The following C4orf50 variants were observed in gnomAD, a reference collection of about 807,000 sequenced individuals.
The protein encoded by C4orf50 is uncharacterized protein C4orf50.
Under a neutral mutation model 77.2 loss-of-function variants are expected in C4orf50, and 80 were observed. The observed-to-expected ratio is 1.04, with a 90% CI of 0.87 to 1.25. C4orf50 has a LOEUF of 1.25. Ranked by LOEUF, C4orf50 falls within the 50% of genes most tolerant of loss-of-function variation. The pLI, the probability that C4orf50 is intolerant of heterozygous loss-of-function variation, is 0.00. For missense variants in C4orf50, 1,257 were observed against 1,152.9 expected (o/e 1.09, Z -1.31); for synonymous variants, 532 against 465.3 (o/e 1.14, Z -1.84).
At chr4:5,974,311 C>T (rs13435604) in intron 30 of C4orf50, among the ~76,000 whole-genome samples, 7 of 152,004 alleles carry the variant, frequency 4.6e-5, no homozygotes, top group African/African-American at 1.7e-4. Context: ...AAGAAATGCT[C>T]CACAGCAAAT....
intron 32 of C4orf50, among the ~76,000 whole-genome samples, chr4:5,965,365 GA>G (rs1239209353): frequency 6.6e-6 from 1 of 152,190 alleles, no homozygotes; most frequent in African/African-American, 2.4e-5. Context: ...GGGCATCCCA[GA>G]AAACTGCCTG....
At chr4:6,012,666 A>T (rs1722535847) in intron 23 of C4orf50, among the ~76,000 whole-genome samples, 1 of 152,188 alleles carries the variant, frequency 6.6e-6, no homozygotes, top group African/African-American at 2.4e-5. Context: ...GCTATGTCAC[A>T]AGCAGGCATA....
chr4:5,976,569 G>A (rs559219995), intron 29 of C4orf50, among the ~76,000 whole-genome samples: 2 of 151,700 alleles, frequency 1.3e-5, no homozygotes, highest in South Asian at 2.1e-4. Context: ...TTCTGGTCTT[G>A]TGGTAAACAT....
intron 7 of C4orf50, among the ~76,000 whole-genome samples, chr4:5,933,744 C>T (rs542540896): frequency 4.6e-5 from 7 of 152,268 alleles, no homozygotes; most frequent in African/African-American, 1.7e-4. Flanking sequence ...AAGGTCCCCT[C>T]TGGCCCAGAC....
chr4:5,989,368 C>T, exon 28 of C4orf50: 1 of 1,536,056 alleles, frequency 6.5e-7, no homozygotes, highest in South Asian at 1.2e-5. Context: ...CCCTGGGTTA[C>T]CAGGAACTTC....
downstream of C4orf50, among the ~76,000 whole-genome samples, chr4:5,953,015 G>C (rs1206289678): frequency 6.6e-6 from 1 of 152,144 alleles, no homozygotes; most frequent in African/African-American, 2.4e-5. Context: ...CACTATTTTC[G>C]GGTGGCTGCT....
chr4:5,929,602 T>C (rs1199978744), intron 7 of C4orf50, among the ~76,000 whole-genome samples: 1 of 152,262 alleles, frequency 6.6e-6, no homozygotes, highest in Non-Finnish European at 1.5e-5. Flanking sequence ...TTACTTCTTA[T>C]AAGCAGAAAG....
In C4orf50 at chr4:5,988,519, G is replaced by T. The variant is rs547727387; in HGVS notation, c.3527C>A (p.Ala1176Asp). Residue 1176 changes from alanine (A) to aspartate (D), a missense_variant, in exon 28 of 34, where the codon GCT (alanine) becomes GAT (aspartate). Physicochemically the swap from Ala to Asp is moderately radical, Grantham distance 126 (BLOSUM62 -2). Transcript: ENST00000531445. ...GACCAGCGATGGAGGGGGAGAATCA[G>T]CACCGCGTCTGGAATTCCCGGTGCC... The T allele has an allele frequency of 5.2e-4, 800 of 1,538,480 alleles. 2 individuals are homozygous for T. Among genetic ancestry groups the T allele is most frequent in the Middle Eastern group, 6.7e-4 (4 of 5,990 alleles).
At chr4:5,996,319 G>A (rs1042485958) in intron 25 of C4orf50, among the ~76,000 whole-genome samples, 11 of 152,008 alleles carry the variant, frequency 7.2e-5, no homozygotes, top group African/African-American at 1.4e-4. Context: ...TCCCTTCCAC[G>A]CACTGCTCAG....
At position 6,015,584 on chromosome 4, in the gene C4orf50, G is replaced by C. The variant is rs1560606542; in HGVS notation, c.287+2561C>G. 6.6e-6 allele frequency among the ~76,000 whole-genome samples: 1 copy of C among 152,078 alleles called. No individual in the cohort carries two copies. The highest frequency in any genetic ancestry group is 6.5e-5 in the Admixed American group (1 of 15,284). ...GTTTGCCCATTCTCCCCATGTCTGT[G>C]TGGGCTTTCTCGGGGTACCCTGGTC... On this transcript the variant is annotated intron_variant, in intron 23 of 33. Coordinates refer to ENST00000531445, the Ensembl canonical transcript of C4orf50. This position sits in a 1 kb window ranked among gnomAD's most constrained non-coding sequence, Gnocchi z 4.4.
chr4:5,920,374 C>G (rs1224749922), intron 7 of C4orf50, among the ~76,000 whole-genome samples: 4 of 152,038 alleles, frequency 2.6e-5, no homozygotes, highest in Non-Finnish European at 4.4e-5. Flanking sequence ...GAGGTGTGCG[C>G]CTGGTGCCTA....
chr4:5,997,275 G>C (rs188384059), intron 25 of C4orf50, among the ~76,000 whole-genome samples: 1 of 152,182 alleles, frequency 6.6e-6, no homozygotes, highest in African/African-American at 2.4e-5. Flanking sequence ...AAAAATGCTC[G>C]CTGAGCATCT....
chr4:5,945,796 C>T (rs945903669), intron 7 of C4orf50, among the ~76,000 whole-genome samples: 5 of 152,124 alleles, frequency 3.3e-5, no homozygotes, highest in East Asian at 3.9e-4. Context: ...GACCCTGGGC[C>T]GGGGCATCTG....
chr4:5,937,117 C>A (rs1216449698), intron 7 of C4orf50, among the ~76,000 whole-genome samples: 4 of 151,502 alleles, frequency 2.6e-5, no homozygotes, highest in Admixed American at 2.6e-4. Flanking sequence ...GGAATGTGCT[C>A]CAGGGAGAAC....
intron 33 of C4orf50, among the ~76,000 whole-genome samples, chr4:5,961,344 G>A (rs1012531748): frequency 1.3e-5 from 2 of 152,172 alleles, no homozygotes; most frequent in Non-Finnish European, 2.9e-5. Context: ...ATAATGATAA[G>A]GATAGTTTAA....
chr4:6,007,229 C>A lies in C4orf50; in HGVS notation c.963+767G>T, dbSNP rs1312238693. 6.6e-6 allele frequency among the ~76,000 whole-genome samples: 1 copy of A among 152,048 alleles called. No individual in the cohort carries two copies. Among genetic ancestry groups the A allele is most frequent in the African/African-American group, 2.4e-5 (1 of 41,390 alleles). On this transcript the variant is annotated intron_variant, in intron 25 of 33. Coordinates refer to ENST00000531445, the Ensembl canonical transcript of C4orf50. The surrounding 1 kb of genome is among the most constrained non-coding windows in gnomAD (Gnocchi z 4.1). ...GGCTAGACAAGTGGGTGGGTGAGTG[C>A]TGGGGTCTGAATGGCTGTGTTCCCC...
chr4:5,968,819 CTTCGTAGAG>C (rs532433929), intron 31 of C4orf50, among the ~76,000 whole-genome samples: 2 of 152,248 alleles, frequency 1.3e-5, no homozygotes, highest in East Asian at 3.9e-4. Context: ...TTTTGTTCGC[CTTCGTAGAG>C]GATACACCGA....
intron 33 of C4orf50, among the ~76,000 whole-genome samples, chr4:5,960,727 G>A (rs929277277): frequency 6.6e-6 from 1 of 152,218 alleles, no homozygotes; most frequent in Non-Finnish European, 1.5e-5. Flanking sequence ...TGAGGAGCTG[G>A]GAAGGCCTCA....
At chr4:5,973,343 C>T (rs993239126) in intron 31 of C4orf50, among the ~76,000 whole-genome samples, 5 of 152,180 alleles carry the variant, frequency 3.3e-5, no homozygotes, top group African/African-American at 1.2e-4. Context: ...TGCACAGGTC[C>T]CGGCACAAAA....
Sources: gnomAD v4.1 joint callset for allele counts (sites outside exome capture counted in the v4.1 genomes callset) on GRCh38, gnomAD v4.1.1 for gene constraint, Gnocchi (gnomAD v3.1) non-coding constraint, MANE v1.5 for transcripts, NCBI Gene and HGNC (gene_info 2026-07-23, HGNC 2026-07-21) for gene names.